The following RASSF2 variants were observed in gnomAD, a reference collection of about 807,000 sequenced individuals.
RASSF2 encodes ras association domain-containing protein 2.
RASSF2 carries 34 observed loss-of-function variants against 46.3 expected under a neutral mutation model. That is an observed-to-expected ratio of 0.73 (90% CI 0.56 to 0.98). The LOEUF (loss-of-function observed/expected upper bound fraction) is 0.98, where lower values mean the gene tolerates loss of function less well. RASSF2 is among the 50% of genes least tolerant of loss of function. The pLI, the probability that RASSF2 is intolerant of heterozygous loss-of-function variation, is 0.00. For missense variants in RASSF2, 364 were observed against 431.2 expected (o/e 0.84, Z 1.38); for synonymous variants, 158 against 162.5 (o/e 0.97, Z 0.21).
Position 4,798,169 on chromosome 20 carries a change from A to T in RASSF2, c.60-84T>A, listed in dbSNP as rs1926519949. ...TTGTTCCCTCTTTCTCTCACCTCTC[A>T]CCTGGCCTTCAGTCACCCCACTTTG... On this transcript the variant is annotated intron_variant, in intron 3 of 11. Coordinates refer to ENST00000379400, the MANE Select transcript of RASSF2 (RefSeq NM_014737.3). 7.7e-6 allele frequency: 12 copies of T among 1,559,380 alleles called. No homozygotes were observed. The East Asian group carries it at 2.6e-4, about 33-fold the overall frequency.
chr20:4,791,692 C>T (rs550641878), intron 6 of RASSF2, among the ~76,000 whole-genome samples: 2 of 152,176 alleles, frequency 1.3e-5, no homozygotes, highest in Admixed American at 6.5e-5. Context: ...GAATCCTACA[C>T]GCTGACAAAT....
chr20:4,823,222 G>T (rs908172620), intron 1 of RASSF2, among the ~76,000 whole-genome samples: 1 of 152,034 alleles, frequency 6.6e-6, no homozygotes, highest in African/African-American at 2.4e-5. Flanking sequence ...GGGGGACGCG[G>T]AAAGAGAGCG....
At position 4,801,057 on chromosome 20, in the gene RASSF2, A is replaced by G. The variant is rs1332073770; in HGVS notation, c.-27T>C. 6.2e-7 allele frequency: 1 copy of G among 1,611,974 alleles called. No individual in the cohort carries two copies. The highest frequency in any genetic ancestry group is 8.5e-7 in the Non-Finnish European group (1 of 1,178,188). ...CTTCCTTTCTCTTTTCATCGGAAGG[A>G]GAGGCCTACATTTGGAAGGAGAAGA... On this transcript the variant is annotated 5_prime_UTR_variant, in exon 3 of 12. Transcript: ENST00000379400.
At chr20:4,809,421 T>C (rs1364419048) in intron 2 of RASSF2, among the ~76,000 whole-genome samples, 1 of 152,022 alleles carries the variant, frequency 6.6e-6, no homozygotes, top group African/African-American at 2.4e-5. Flanking sequence ...CCTCCCCCTA[T>C]AAATGACCCC....
intron 8 of RASSF2, 119 bp downstream of exon 8, chr20:4,789,477 A>C (rs1925669768): frequency 5.3e-6 from 4 of 752,740 alleles, no homozygotes; most frequent in Non-Finnish European, 8.8e-6. Flanking sequence ...AAAGAACCGA[A>C]GCCCTCTGCT....
intron 3 of RASSF2, among the ~76,000 whole-genome samples, chr20:4,798,612 G>T (rs1926579955): frequency 6.6e-6 from 1 of 151,966 alleles, no homozygotes. Flanking sequence ...ATCACTTAAG[G>T]TCAGGAGTTT....
chr20:4,818,308 C>G (rs1195542152), intron 2 of RASSF2, among the ~76,000 whole-genome samples: 1 of 152,050 alleles, frequency 6.6e-6, no homozygotes, highest in Non-Finnish European at 1.5e-5. Context: ...CTAAATGCAC[C>G]CCAGAAGTGT....
chr20:4,809,369 C>A (rs996978925), intron 2 of RASSF2, among the ~76,000 whole-genome samples: 1 of 152,040 alleles, frequency 6.6e-6, no homozygotes, highest in African/African-American at 2.4e-5. Context: ...CCCCCTCAGA[C>A]CCAGATTCAC....
chr20:4,787,045 G>A (rs1320503559), intron 10 of RASSF2, among the ~76,000 whole-genome samples: 8 of 150,320 alleles, frequency 5.3e-5, no homozygotes, highest in Non-Finnish European at 7.4e-5. Flanking sequence ...GCAACAGAGC[G>A]AGACTCCATC....
chr20:4,787,782 C>T, intron 9 of RASSF2, 28 bp from the exon 10 acceptor site: 16 of 1,613,760 alleles, frequency 9.9e-6, no homozygotes, highest in Non-Finnish European at 1.4e-5. Context: ...CAGGAGCAGC[C>T]CTGAGAGGCC....
rs566926274 is a variant in RASSF2, at chr20:4,786,513, G to A, written c.814-185C>T. Among the ~76,000 whole-genome samples, 18 of 152,268 alleles carry A rather than the reference G, an allele frequency of 1.2e-4. No homozygotes were observed. The South Asian group carries it at 3.3e-3, about 28-fold the overall frequency. On this transcript the variant is annotated intron_variant, in intron 10 of 11. Transcript: ENST00000379400. ...GGGTGGGAAGGAGTCTGCGATGATC[G>A]CTTCGCTTACGTGACACCATCTCAT...
chr20:4,797,996 T>TG lies in RASSF2; in HGVS notation c.135+13dup. The TG allele has an allele frequency of 6.2e-7, 1 of 1,613,520 alleles. No homozygotes were observed. On this transcript the variant is annotated intron_variant, in intron 4 of 11. Coordinates refer to ENST00000379400, the MANE Select transcript of RASSF2 (RefSeq NM_014737.3). ...TGGACTAGCCAATCAGGGCCGTCCCTGGGGACTCCTTACCTCCCGGTGCCG... is the reference window on the plus strand; with the variant it reads ...TGGACTAGCCAATCAGGGCCGTCCCTGGGGGACTCCTTACCTCCCGGTGCCG...
rs866008638 is a variant in RASSF2 at position 4,787,835 on chromosome 20, C to T, written c.692-81G>A. The T allele has an allele frequency of 1.8e-5, 29 of 1,580,114 alleles. No individual in the cohort carries two copies. The East Asian group carries it at 2.7e-4, about 15-fold the overall frequency. On this transcript the variant is annotated intron_variant, in intron 9 of 11. Coordinates refer to ENST00000379400, the MANE Select transcript of RASSF2 (RefSeq NM_014737.3). The stretch of plus-strand genomic sequence containing the variant: ...TGGTTAATGCAGGGGTCCAAAGGCA[C>T]CTTAGGAGATGCCGCCATATACGTC...
At chr20:4,785,213 C>T (rs527500530) in intron 11 of RASSF2, among the ~76,000 whole-genome samples, 1 of 151,178 alleles carries the variant, frequency 6.6e-6, no homozygotes, top group Non-Finnish European at 1.5e-5. Flanking sequence ...GTGGCGCATG[C>T]CTGTAATCCC....
chr20:4,798,066 G>A lies in RASSF2; in HGVS notation c.79C>T (p.Leu27=). ...TCATAGTACAAGTTGTAGGTCTTCA[G>A]ATGCAAGAGAAGTTCATTTCTTAGG... ...YISKNELLLH[L]KTYNLYYEGQ... The change falls in exon 4 of 12, where the codon CTG becomes TTG. Residue 27 remains leucine (L), a synonymous_variant. Transcript: ENST00000379400. The A allele has an allele frequency of 6.2e-7, 1 of 1,613,924 alleles. No homozygotes were observed. The highest frequency in any genetic ancestry group is 1.1e-5 in the South Asian group (1 of 91,066).
chr20:4,800,998 T>G lies in RASSF2; in HGVS notation c.33A>C (p.Pro11=). The G allele has an allele frequency of 6.2e-7, 1 of 1,613,522 alleles. No homozygotes were observed. Among genetic ancestry groups the G allele is most frequent in the Non-Finnish European group, 8.5e-7 (1 of 1,179,392 alleles). MDYSHQTSLV[P]CGQDKYISKN... is the part of the protein sequence containing the mutation. ...TGGAAATGTATTTATCTTGTCCACA[T>G]GGGACTAGGGACGTTTGGTGGCTGT... is the stretch of plus-strand genomic sequence containing the variant. Residue 11 remains proline (P), a synonymous_variant, in exon 3 of 12, where the codon CCA becomes CCC. Coordinates refer to ENST00000379400, the MANE Select transcript of RASSF2 (RefSeq NM_014737.3).
At chr20:4,794,574 C>T (rs1002653968) in intron 5 of RASSF2, among the ~76,000 whole-genome samples, 2 of 151,240 alleles carry the variant, frequency 1.3e-5, no homozygotes, top group East Asian at 1.9e-4. Flanking sequence ...CGGGGTGGGG[C>T]GGTGTGCACC....
chr20:4,821,674 C>T (rs1928697219), intron 2 of RASSF2, among the ~76,000 whole-genome samples: 1 of 152,176 alleles, frequency 6.6e-6, no homozygotes, highest in South Asian at 2.1e-4. Flanking sequence ...ACAGGGAACC[C>T]AAGCTGTACC....
intron 11 of RASSF2, among the ~76,000 whole-genome samples, chr20:4,784,592 C>CAAAA (rs71197728): frequency 3.3e-5 from 3 of 89,862 alleles, no homozygotes; most frequent in Non-Finnish European, 6.5e-5. Flanking sequence ...AACATCTAGC[C>CAAAA]AAAAAAAAAA....
Sources: allele counts gnomAD v4.1 joint callset (sites outside exome capture counted in the v4.1 genomes callset), GRCh38; gene constraint gnomAD v4.1.1; transcripts MANE v1.5; gene names NCBI Gene and HGNC (gene_info 2026-07-23, HGNC 2026-07-21).